The following DYRK3 variants were observed in gnomAD, a reference collection of about 807,000 sequenced individuals.
DYRK3 encodes dual specificity tyrosine-phosphorylation-regulated kinase 3.
DYRK3 carries 30 observed loss-of-function variants against 40.8 expected under a neutral mutation model. The observed-to-expected ratio is 0.74, with a 90% CI of 0.55 to 1.00. DYRK3 has a LOEUF of 1.00. Ranked by LOEUF, DYRK3 falls within the 50% of genes least tolerant of loss-of-function variation. DYRK3 has a pLI of 0.00. For synonymous variants in DYRK3, 272 were observed against 260.7 expected (o/e 1.04, Z -0.42); for missense variants, 699 against 731.5 (o/e 0.96, Z 0.51).
At chr1:206,643,686 C>A (rs192189945) in intron 2 of DYRK3, among the ~76,000 whole-genome samples, 3 of 152,174 alleles carry the variant, frequency 2.0e-5, no homozygotes, top group Admixed American at 2.0e-4. Context: ...GTGGGTGAGG[C>A]AATTCCGTGT....
Position 206,651,867 on chromosome 1 carries a change from T to C in DYRK3, c.*2902T>C, listed in dbSNP as rs906385327. ...GCTACTTTTACTATTTTGCATTTTA[T>C]ATCAACATTAGCAGCCTGTTCCCAC... On this transcript the variant is annotated 3_prime_UTR_variant, in exon 3 of 3. Transcript: ENST00000367109. Among the ~76,000 whole-genome samples the C allele has an allele frequency of 3.9e-5, 6 of 152,240 alleles. No homozygotes were observed. Among genetic ancestry groups the C allele is most frequent in the Admixed American group, 2.6e-4 (4 of 15,280 alleles).
intron 1 of DYRK3, chr1:206,637,019 A>G (rs369166755): frequency 7.3e-7 from 1 of 1,364,024 alleles, no homozygotes; most frequent in Non-Finnish European, 1.0e-6. Flanking sequence ...CGTTTGCTGT[A>G]GTACTTACTG....
At chr1:206,640,582 GCT>G (rs1671260562) in intron 2 of DYRK3, among the ~76,000 whole-genome samples, 1 of 135,156 alleles carries the variant, frequency 7.4e-6, no homozygotes, top group Non-Finnish European at 1.5e-5. Flanking sequence ...ACAGAGTCTC[GCT>G]CTGTCACTGA....
rs782146383 is a variant in DYRK3 at position 206,648,784 on chromosome 1, C to T, written c.1586C>T (p.Pro529Leu). 4 of 1,614,220 alleles carry T rather than the reference C, an allele frequency of 2.5e-6. No individual in the cohort carries two copies. Among genetic ancestry groups the T allele is most frequent in the East Asian group, 2.2e-5 (1 of 44,890 alleles). The change falls in exon 3 of 3, where the codon CCT (proline) becomes CTT (leucine). Residue 529 changes from proline to leucine, a missense_variant. Physicochemically the swap from Pro to Leu is moderately conservative, Grantham distance 98 (BLOSUM62 -3). Coordinates refer to ENST00000367109, the MANE Select transcript of DYRK3 (RefSeq NM_003582.4). ...HPWISKSVPR[P>L]LTTIDKVSGK... ...TGGATTAGCAAGTCTGTCCCCAGAC[C>T]TCTCACCACCATAGACAAGGTGTCA...
rs200749690 is a variant in DYRK3, at chr1:206,648,797, A to G, written c.1599A>G (p.Ile533Met). Residue 533 changes from isoleucine (I) to methionine (M), a missense_variant, in exon 3 of 3, where the codon ATA (isoleucine) becomes ATG (methionine). Physicochemically the swap from Ile to Met is conservative, Grantham distance 10. Transcript: ENST00000367109. ...CTGTCCCCAGACCTCTCACCACCAT[A>G]GACAAGGTGTCAGGGAAACGGGTAG... ...SKSVPRPLTT[I>M]DKVSGKRVVN... 6.2e-7 allele frequency: 1 copy of G among 1,614,156 alleles called. No homozygotes were observed. Among genetic ancestry groups the G allele is most frequent in the Non-Finnish European group, 8.5e-7 (1 of 1,180,034 alleles).
At chr1:206,639,278 G>A (rs1414798648) in intron 2 of DYRK3, among the ~76,000 whole-genome samples, 2 of 151,996 alleles carry the variant, frequency 1.3e-5, no homozygotes. Context: ...AGTGTAGTGG[G>A]GTTTCTTTCC....
rs1272627364 is a variant in DYRK3, at chr1:206,654,714, A to G, written c.*5749A>G. Among the ~76,000 whole-genome samples, 2 of 152,174 alleles carry G rather than the reference A, an allele frequency of 1.3e-5. No homozygotes were observed. Among genetic ancestry groups the G allele is most frequent in the Non-Finnish European group, 2.9e-5 (2 of 68,028 alleles). On this transcript the variant is annotated 3_prime_UTR_variant, in exon 3 of 3. Transcript: ENST00000367109. ...AGTGAACCCATCCATAAAAGGACTA[A>G]AAGCTCTCTCTGGTCCCTGAGATCC... is the stretch of plus-strand genomic sequence containing the variant.
rs537474375 is a variant in DYRK3 at position 206,653,510 on chromosome 1, T to G, written c.*4545T>G. ...TCATATTGTTCTGAATTAACAGATT[T>G]TGATGCCCGCTGATCATGTGCAGAT... is the stretch of plus-strand genomic sequence containing the variant. On this transcript the variant is annotated 3_prime_UTR_variant, in exon 3 of 3. Transcript: ENST00000367109. Among the ~76,000 whole-genome samples the G allele has an allele frequency of 2.0e-5, 3 of 152,328 alleles. No homozygotes were observed. The East Asian group carries it at 5.8e-4, about 29-fold the overall frequency.
In DYRK3 at chr1:206,636,061, T is replaced by G; in HGVS notation, c.77+281T>G. The G allele has an allele frequency of 2.0e-6, 3 of 1,534,466 alleles. No individual in the cohort carries two copies. The South Asian group carries it at 3.5e-5, about 18-fold the overall frequency. Reference sequence around the variant, plus strand: ...CTGAAACCCTAGATCGGGGTATATGTTAAGGGATTACGAAAATCTAGGACT... The same window carrying G: ...CTGAAACCCTAGATCGGGGTATATGGTAAGGGATTACGAAAATCTAGGACT... On this transcript the variant is annotated intron_variant, in intron 1 of 2. Coordinates refer to ENST00000367109, the MANE Select transcript of DYRK3 (RefSeq NM_003582.4).
Position 206,649,776 on chromosome 1 carries a change from T to C in DYRK3, c.*811T>C, listed in dbSNP as rs1553421069. Among the ~76,000 whole-genome samples, 1 of 152,154 alleles carries C rather than the reference T, an allele frequency of 6.6e-6. No homozygotes were observed. Among genetic ancestry groups the C allele is most frequent in the Non-Finnish European group, 1.5e-5 (1 of 68,012 alleles). On this transcript the variant is annotated 3_prime_UTR_variant, in exon 3 of 3. Transcript: ENST00000367109. ...TAGAGAATCAGCATGAAAACTGCAG[T>C]TCCCCAGCTTTGTGGTACTCCACGG... is the stretch of plus-strand genomic sequence containing the variant.
rs1671696918 is a variant in DYRK3 at position 206,654,136 on chromosome 1, A to T, written c.*5171A>T. Among the ~76,000 whole-genome samples the T allele has an allele frequency of 6.6e-6, 1 of 152,226 alleles. No individual in the cohort carries two copies. Among genetic ancestry groups the T allele is most frequent in the Non-Finnish European group, 1.5e-5 (1 of 68,032 alleles). ...AATACTCCTACTACTTTGGTGAATC[A>T]TGGAAAACTCTTTCTCCTTTATTTT... On this transcript the variant is annotated 3_prime_UTR_variant, in exon 3 of 3. Transcript: ENST00000367109.
chr1:206,648,418 C>T lies in DYRK3; in HGVS notation c.1220C>T (p.Pro407Leu). ...CILAELLTGQ[P>L]LFPGEDEGDQ... The stretch of plus-strand genomic sequence containing the variant: ...CTTGCAGAACTTTTAACAGGACAGC[C>T]TCTCTTCCCTGGAGAGGATGAAGGA... The change falls in exon 3 of 3, where the codon CCT becomes CTT. Residue 407 changes from proline to leucine, a missense_variant. By Grantham distance (98) the Pro-to-Leu change is moderately conservative. Coordinates refer to ENST00000367109, the MANE Select transcript of DYRK3 (RefSeq NM_003582.4). The T allele has an allele frequency of 1.2e-6, 2 of 1,614,172 alleles. No individual in the cohort carries two copies. Among genetic ancestry groups the T allele is most frequent in the Non-Finnish European group, 1.7e-6 (2 of 1,180,026 alleles).
Position 206,648,299 on chromosome 1 carries a change from C to T in DYRK3, c.1101C>T (p.Tyr367=), listed in dbSNP as rs782759093. 10 of 1,614,152 alleles carry T rather than the reference C, an allele frequency of 6.2e-6. No homozygotes were observed. Among genetic ancestry groups the T allele is most frequent in the Non-Finnish European group, 8.5e-6 (10 of 1,180,032 alleles). ...GCTGTTTCGAGTACCAGAAGCTCTA[C>T]ACATATATCCAGTCTCGGTTCTACA... The part of the protein sequence containing the change: ...GSSCFEYQKL[Y]TYIQSRFYRA... The change falls in exon 3 of 3, where the codon TAC becomes TAT. Residue 367 remains tyrosine (Y), a synonymous_variant. Coordinates refer to ENST00000367109, the MANE Select transcript of DYRK3 (RefSeq NM_003582.4).
At position 206,635,557 on chromosome 1, in the gene DYRK3, G is replaced by A; in HGVS notation, c.-147G>A. 9.4e-7 allele frequency: 1 copy of A among 1,062,820 alleles called. No homozygotes were observed. The allele number at this position is 1,062,820 out of a possible 1,614,324, so 65.8% of individuals were successfully genotyped here. On this transcript the variant is annotated 5_prime_UTR_variant, in exon 1 of 3. Transcript: ENST00000367109. ...CCCCACTTCCCAGCCGGGGCCAGTCGGGAGCGAAAGTGCGCTGAGCTGCAG... is the reference window on the plus strand; with the variant it reads ...CCCCACTTCCCAGCCGGGGCCAGTCAGGAGCGAAAGTGCGCTGAGCTGCAG...
At position 206,654,751 on chromosome 1, in the gene DYRK3, G is replaced by A. The variant is rs1671710383; in HGVS notation, c.*5786G>A. Among the ~76,000 whole-genome samples the A allele has an allele frequency of 6.6e-6, 1 of 152,192 alleles. No individual in the cohort carries two copies. Among genetic ancestry groups the A allele is most frequent in the Non-Finnish European group, 1.5e-5 (1 of 68,042 alleles). On this transcript the variant is annotated 3_prime_UTR_variant, in exon 3 of 3. Transcript: ENST00000367109. ...GGTCCCTGAGATCCACAACCCCTGAGAGAAGCCAGAACTACAAATGCATCG... is the reference window on the plus strand; with the variant it reads ...GGTCCCTGAGATCCACAACCCCTGAAAGAAGCCAGAACTACAAATGCATCG...
Position 206,635,692 on chromosome 1 carries a change from C to A in DYRK3, c.-12C>A. On this transcript the variant is annotated 5_prime_UTR_variant, in exon 1 of 3. Coordinates refer to ENST00000367109, the MANE Select transcript of DYRK3 (RefSeq NM_003582.4). ...CTGGCGCCTCTCCCCGCGCGGGGTC[C>A]CGAGCTAGGAGATGGGAGGCACAGC... The A allele has an allele frequency of 3.2e-6, 4 of 1,246,094 alleles. No individual in the cohort carries two copies. The highest frequency in any genetic ancestry group is 4.0e-6 in the Non-Finnish European group (4 of 988,956). 77.2% of individuals were successfully genotyped at this position (1,246,094 alleles called of 1,614,324 possible).
chr1:206,638,575 C>CTT (rs530299102), intron 2 of DYRK3, among the ~76,000 whole-genome samples: 6 of 141,150 alleles, frequency 4.3e-5, no homozygotes, highest in South Asian at 4.5e-4. Flanking sequence ...TGCTTGGCAG[C>CTT]TTTTTTTTTT....
intron 2 of DYRK3, among the ~76,000 whole-genome samples, chr1:206,641,530 A>G (rs1301764391): frequency 4.0e-5 from 6 of 150,352 alleles, no homozygotes; most frequent in African/African-American, 1.0e-4. Flanking sequence ...AAACAATTAT[A>G]GTTTAATATG....
In DYRK3 at chr1:206,647,829, G is replaced by A. The variant is rs782676003; in HGVS notation, c.631G>A (p.Val211Met). ...AGACCATCTAGCTTATCGATATGAG[G>A]TGCTGAAAATTATTGGCAAGGGGAG... ...PRDHLAYRYE[V>M]LKIIGKGSFG... The change falls in exon 3 of 3, where the codon GTG (valine) becomes ATG (methionine). Residue 211 changes from valine (V) to methionine (M), a missense_variant. Transcript: ENST00000367109. The A allele has an allele frequency of 6.2e-7, 1 of 1,614,110 alleles. No homozygotes were observed. Among genetic ancestry groups the A allele is most frequent in the African/African-American group, 1.3e-5 (1 of 75,018 alleles).
Sources: allele counts gnomAD v4.1 joint callset (sites outside exome capture counted in the v4.1 genomes callset), GRCh38; gene constraint gnomAD v4.1.1; transcripts MANE v1.5; gene names NCBI Gene and HGNC (gene_info 2026-07-23, HGNC 2026-07-21).